The following MLIP variants were observed in gnomAD, a reference collection of about 807,000 sequenced individuals.
The protein encoded by MLIP is muscular LMNA interacting protein.
MLIP carries 79 observed loss-of-function variants against 84.8 expected under a neutral mutation model. The ratio of observed to expected loss-of-function variants is 0.93; its 90% CI spans 0.78 to 1.12. The LOEUF (loss-of-function observed/expected upper bound fraction) is 1.12, where lower values mean the gene tolerates loss of function less well. MLIP is among the 50% of genes most tolerant of loss of function. The pLI is 0.00. For synonymous variants in MLIP, 504 were observed against 463.0 expected, an observed-to-expected ratio of 1.09 and a Z score of -1.14; for missense variants, 1,257 against 1,160.6, an observed-to-expected ratio of 1.08 and a Z score of -1.21.
intron 11 of MLIP, among the ~76,000 whole-genome samples, chr6:54,214,430 C>T (rs186395488): frequency 7.0e-4 from 107 of 152,308 alleles, no homozygotes; most frequent in African/African-American, 2.5e-3. Context: ...ACTACTTTCA[C>T]CCTGGGAGTC....
chr6:54,068,524 T>C (rs1766329171), intron 1 of MLIP, among the ~76,000 whole-genome samples: 1 of 100,092 alleles, frequency 1.0e-5, no homozygotes, highest in African/African-American at 2.6e-5. Flanking sequence ...TCTAACACCC[T>C]GCCATCAAAG....
chr6:54,195,456 G>C (rs1778227311), intron 10 of MLIP, among the ~76,000 whole-genome samples: 2 of 152,186 alleles, frequency 1.3e-5, no homozygotes, highest in Admixed American at 1.3e-4. Flanking sequence ...AGATTTTGCT[G>C]TAAAAACCCA....
chr6:54,213,707 CA>C (rs1219772069), intron 11 of MLIP, among the ~76,000 whole-genome samples: 1 of 8,476 alleles, frequency 1.2e-4, no homozygotes, highest in African/African-American at 4.3e-4. Context: ...GACTTTGTCT[CA>C]AAAAAAAAAA....
intron 4 of MLIP, among the ~76,000 whole-genome samples, chr6:54,140,204 C>T (rs779288725): frequency 6.6e-6 from 1 of 152,080 alleles, no homozygotes; most frequent in African/African-American, 2.4e-5. Context: ...AGTGATTTCA[C>T]TCTAGAAGCT....
At chr6:54,134,810 G>A (rs987200748) in intron 3 of MLIP, among the ~76,000 whole-genome samples, 3 of 151,988 alleles carry the variant, frequency 2.0e-5, no homozygotes, top group Non-Finnish European at 2.9e-5. Flanking sequence ...AACTGAAAAG[G>A]TAATGAGAGT....
At chr6:54,103,625 G>C (rs762511744) in intron 1 of MLIP, among the ~76,000 whole-genome samples, 3 of 152,098 alleles carry the variant, frequency 2.0e-5, no homozygotes, top group African/African-American at 7.2e-5. Flanking sequence ...TTCCAATCAC[G>C]GTTAGGTAGC....
intron 12 of MLIP, among the ~76,000 whole-genome samples, chr6:54,234,277 T>C (rs1781213528): frequency 6.6e-6 from 1 of 152,180 alleles, no homozygotes; most frequent in Non-Finnish European, 1.5e-5. Context: ...TTACTCATTT[T>C]TAAAATGAGA....
In MLIP at chr6:54,160,727, C is replaced by CT. The variant is rs577497785; in HGVS notation, c.2440-4dup. ...TTTTCTCTTCTTCTTTCCTTCCTTTCTTTTTTTTTCAGCATTCTTCTGATT... is the reference window on the plus strand; with the variant it reads ...TTTTCTCTTCTTCTTTCCTTCCTTTCTTTTTTTTTTCAGCATTCTTCTGATT... On this transcript the variant is annotated splice_polypyrimidine_tract_variant and intron_variant, in intron 7 of 13. Coordinates refer to ENST00000502396, the MANE Select transcript of MLIP (RefSeq NM_001281747.2). The CT allele has an allele frequency of 8.2e-4, 1,257 of 1,527,338 alleles. No individual in the cohort carries two copies. Among genetic ancestry groups the CT allele is most frequent in the East Asian group, 1.4e-3 (60 of 44,068 alleles). The allele number at this position is 1,527,338 out of a possible 1,614,324, so 94.6% of individuals were successfully genotyped here. A position where few individuals can be genotyped will look rare whatever the true frequency, so the allele number is the denominator to read the frequency against.
chr6:54,122,963 G>T (rs1299674), intron 2 of MLIP, among the ~76,000 whole-genome samples: 1 of 148,204 alleles, frequency 6.7e-6, no homozygotes, highest in African/African-American at 2.5e-5. Context: ...ACGGAGTCTC[G>T]CTCTGTCGCC....
chr6:54,080,741 T>C (rs1343006265), intron 1 of MLIP, among the ~76,000 whole-genome samples: 1 of 148,372 alleles, frequency 6.7e-6, no homozygotes, highest in African/African-American at 2.4e-5. Flanking sequence ...ATATTTAATC[T>C]ATAAAATACA....
chr6:54,136,688 C>A, intron 3 of MLIP, 27 bp from the exon 4 acceptor site: 1 of 1,423,584 alleles, frequency 7.0e-7, no homozygotes, highest in Non-Finnish European at 9.2e-7. Context: ...TGTCCTATTT[C>A]AATCTGTCTA....
chr6:54,106,834 G>C (rs1279150186), upstream of MLIP, among the ~76,000 whole-genome samples: 3 of 152,152 alleles, frequency 2.0e-5, no homozygotes, highest in Non-Finnish European at 4.4e-5. Flanking sequence ...CATCCAGTCT[G>C]GGGAAATAAA....
At chr6:54,264,942 G>A (rs528514254) in intron 13 of MLIP, among the ~76,000 whole-genome samples, 7 of 152,100 alleles carry the variant, frequency 4.6e-5, no homozygotes, top group East Asian at 1.9e-4. Context: ...ATGTAACCGC[G>A]ATTCACAATC....
intron 12 of MLIP, among the ~76,000 whole-genome samples, chr6:54,251,799 AATATATATATTATAACAGATAATATAAAT>A (rs1562108783): frequency 1.0e-5 from 1 of 97,604 alleles, no homozygotes; most frequent in African/African-American, 4.4e-5. Context: ...ATATAATATA[AATATATATATTATAACAGATAATATAAAT>A]ATATATATTA....
chr6:54,214,499 T>C (rs1171008249), intron 11 of MLIP, among the ~76,000 whole-genome samples: 1 of 152,196 alleles, frequency 6.6e-6, no homozygotes, highest in African/African-American at 2.4e-5. Flanking sequence ...ACTTCTGTTC[T>C]TGTTGTTTTC....
At chr6:54,192,010 T>TAA (rs1375744587) in intron 10 of MLIP, among the ~76,000 whole-genome samples, 1 of 150,774 alleles carries the variant, frequency 6.6e-6, no homozygotes, top group Admixed American at 6.6e-5. Context: ...TATATATATA[T>TAA]AATGATTTTA....
chr6:54,047,538 T>C (rs1457736411), intron 1 of MLIP: 3 of 152,172 alleles, frequency 2.0e-5, no homozygotes, highest in East Asian at 1.9e-4. Flanking sequence ...CAAAAAACTA[T>C]GATGGCAGAG....
intron 1 of MLIP, among the ~76,000 whole-genome samples, chr6:54,076,337 G>A (rs192918325): frequency 6.6e-6 from 1 of 152,280 alleles, no homozygotes; most frequent in East Asian, 1.9e-4. Flanking sequence ...CATTGGCAAT[G>A]TGTAGACAAC....
chr6:54,138,392 A>T lies in MLIP; in HGVS notation c.2217+106A>T, dbSNP rs950277135. On this transcript the variant is annotated intron_variant, in intron 4 of 13. Transcript: ENST00000502396. ...TAATTATAGTATTAATTGTACTCCT[A>T]CAAGGAGGAAGAAAAAGTGCAAGAC... 15 of 1,310,466 alleles carry T rather than the reference A, an allele frequency of 1.1e-5. No homozygotes were observed. The African/African-American group carries it at 1.8e-4, about 16-fold the overall frequency. 81.2% of individuals were successfully genotyped at this position (1,310,466 alleles called of 1,614,324 possible). A position where few individuals can be genotyped will look rare whatever the true frequency, so the allele number is the denominator to read the frequency against.
Sources: gnomAD v4.1 joint callset for allele counts (sites outside exome capture counted in the v4.1 genomes callset) on GRCh38, gnomAD v4.1.1 for gene constraint, MANE v1.5 for transcripts, NCBI Gene and HGNC (gene_info 2026-07-23, HGNC 2026-07-21) for gene names.